Variants in KCNQ5 observed in about 807,000 individuals in gnomAD.
KCNQ5 encodes the protein potassium voltage-gated channel subfamily Q member 5, also known as potassium voltage-gated channel subfamily KQT member 5.
A neutral mutation model predicts 98.2 loss-of-function variants in KCNQ5; 30 were observed. The observed-to-expected ratio is 0.31, with a 90% CI of 0.23 to 0.41. KCNQ5 has a LOEUF of 0.41. KCNQ5 is among the 10% of genes least tolerant of loss of function. The pLI is 1.00. For synonymous variants in KCNQ5, 458 were observed against 449.4 expected (o/e 1.02, Z -0.24); for missense variants, 835 against 1,182.5 (o/e 0.71, Z 4.31).
At chr6:72,697,710 T>G (rs1235895047) in intron 1 of KCNQ5, among the ~76,000 whole-genome samples, 1 of 152,208 alleles carries the variant, frequency 6.6e-6, no homozygotes, top group African/African-American at 2.4e-5. Flanking sequence ...TATGTGGATG[T>G]TTACATTTTT....
At chr6:72,645,981 C>CT (rs2154472200) in intron 1 of KCNQ5, among the ~76,000 whole-genome samples, 1 of 152,132 alleles carries the variant, frequency 6.6e-6, no homozygotes, top group East Asian at 1.9e-4. Flanking sequence ...ATGTGATGTA[C>CT]TGTGCCCCTA....
chr6:72,828,790 T>C (rs1265838438), intron 1 of KCNQ5, among the ~76,000 whole-genome samples: 2 of 152,168 alleles, frequency 1.3e-5, no homozygotes, highest in Non-Finnish European at 2.9e-5. Context: ...CTAATTGCTC[T>C]GGCTAGTACT....
intron 2 of KCNQ5, 95 bp downstream of exon 2, chr6:73,004,093 C>A: frequency 5.8e-6 from 4 of 689,618 alleles, no homozygotes; most frequent in South Asian, 2.1e-5. Context: ...AAAATCCTAT[C>A]TAAAAAAGAG....
intron 1 of KCNQ5, among the ~76,000 whole-genome samples, chr6:72,977,830 C>G (rs1159427323): frequency 1.3e-5 from 2 of 152,116 alleles, no homozygotes; most frequent in African/African-American, 4.8e-5. Context: ...ATCTTTCCCG[C>G]TATAATGTAA....
At chr6:72,916,960 A>G (rs963294083) in intron 1 of KCNQ5, among the ~76,000 whole-genome samples, 1 of 152,210 alleles carries the variant, frequency 6.6e-6, no homozygotes, top group African/African-American at 2.4e-5. Context: ...GAGATGTCTA[A>G]TATTTCCACA....
rs1327787861 is a variant in KCNQ5 at position 72,885,840 on chromosome 6, T to C, written c.399-118068T>C. ...CAATTGCTGCAAAAAAATAATAAAA[T>C]TGGGTGAGGGAACCACCTCAGAAAG... is the stretch of plus-strand genomic sequence containing the variant. On this transcript the variant is annotated intron_variant, in intron 1 of 13. Coordinates refer to ENST00000370398, the MANE Select transcript of KCNQ5 (RefSeq NM_019842.4). Among the ~76,000 whole-genome samples the C allele has an allele frequency of 5.9e-5, 9 of 152,094 alleles. No individual in the cohort carries two copies. In the East Asian group the frequency reaches 1.7e-3, roughly 29 times the overall value.
In KCNQ5 at chr6:73,105,240, A is replaced by T. The variant is rs748008833; in HGVS notation, c.919-17A>T. On this transcript the variant is annotated splice_polypyrimidine_tract_variant and intron_variant, in intron 5 of 13. Transcript: ENST00000370398. Reference sequence around the variant, plus strand: ...CTCAAGTACTTAAGCTGCACATTCTATTTATTTTGTTTCTAGATTACATTG... The same window carrying T: ...CTCAAGTACTTAAGCTGCACATTCTTTTTATTTTGTTTCTAGATTACATTG... 2.0e-6 allele frequency: 3 copies of T among 1,471,956 alleles called. No individual in the cohort carries two copies. Among genetic ancestry groups the T allele is most frequent in the South Asian group, 2.4e-5 (2 of 84,090 alleles). 91.2% of individuals were successfully genotyped at this position (1,471,956 alleles called of 1,614,324 possible).
At chr6:72,971,590 C>A (rs953512520) in intron 1 of KCNQ5, among the ~76,000 whole-genome samples, 2 of 152,214 alleles carry the variant, frequency 1.3e-5, no homozygotes, top group Admixed American at 1.3e-4. Context: ...AGACCTGGAA[C>A]CAACTCAAAT....
chr6:72,648,113 T>C (rs1765690661), intron 1 of KCNQ5, among the ~76,000 whole-genome samples: 1 of 152,094 alleles, frequency 6.6e-6, no homozygotes, highest in Non-Finnish European at 1.5e-5. Flanking sequence ...TGATAATTAT[T>C]TATAGCAGTC....
chr6:73,180,735 G>C (rs1411080429), intron 11 of KCNQ5, among the ~76,000 whole-genome samples: 2 of 152,190 alleles, frequency 1.3e-5, no homozygotes, highest in Non-Finnish European at 2.9e-5. Flanking sequence ...TCTGGAGGTA[G>C]GACCCAGGCA....
At chr6:72,681,999 T>C (rs1213513696) in intron 1 of KCNQ5, among the ~76,000 whole-genome samples, 8 of 152,186 alleles carry the variant, frequency 5.3e-5, no homozygotes, top group Admixed American at 2.0e-4. Flanking sequence ...TGGAGTGACC[T>C]CCTTCTTGTG....
At position 72,984,320 on chromosome 6, in the gene KCNQ5, G is replaced by A. The variant is rs149656869; in HGVS notation, c.399-19588G>A. On this transcript the variant is annotated intron_variant, in intron 1 of 13. Coordinates refer to ENST00000370398, the MANE Select transcript of KCNQ5 (RefSeq NM_019842.4). ...CAGCTATGCCCTGCCCCCAGAGGTG[G>A]AGTCTACAAAGGCAGGCAGGCCTTG... 3.8e-3 allele frequency among the ~76,000 whole-genome samples: 575 copies of A among 152,306 alleles called. 15 individuals carry two copies. The highest frequency in any genetic ancestry group is 0.029 in the East Asian group (151 of 5,176).
chr6:72,750,508 G>C (rs778859720), intron 1 of KCNQ5, among the ~76,000 whole-genome samples: 1 of 151,946 alleles, frequency 6.6e-6, no homozygotes, highest in Non-Finnish European at 1.5e-5. Context: ...CTAGATGTCG[G>C]TTATAGACTG....
At chr6:72,801,224 G>A (rs1334987249) in intron 1 of KCNQ5, among the ~76,000 whole-genome samples, 1 of 148,536 alleles carries the variant, frequency 6.7e-6, no homozygotes, top group Non-Finnish European at 1.5e-5. Context: ...TTGACAGTGG[G>A]GTGTTAAAGT....
At chr6:72,900,084 C>A (rs1171137570) in intron 1 of KCNQ5, among the ~76,000 whole-genome samples, 2 of 152,128 alleles carry the variant, frequency 1.3e-5, no homozygotes, top group Non-Finnish European at 2.9e-5. Flanking sequence ...GATCCACCCG[C>A]CTTGGCCTCC....
intron 1 of KCNQ5, among the ~76,000 whole-genome samples, chr6:72,898,195 C>G (rs1779325534): frequency 6.6e-6 from 1 of 151,968 alleles, no homozygotes; most frequent in South Asian, 2.1e-4. Flanking sequence ...GATACATGTG[C>G]AGAACATTCA....
At chr6:72,658,737 T>G (rs1339147114) in intron 1 of KCNQ5, among the ~76,000 whole-genome samples, 1 of 151,628 alleles carries the variant, frequency 6.6e-6, no homozygotes, top group Non-Finnish European at 1.5e-5. Flanking sequence ...TGTGCCACCA[T>G]GCCCGGTAAC....
intron 1 of KCNQ5, among the ~76,000 whole-genome samples, chr6:72,899,640 T>C (rs1215543867): frequency 1.3e-5 from 2 of 152,146 alleles, no homozygotes; most frequent in Non-Finnish European, 2.9e-5. Context: ...TCTTTGACGT[T>C]TTCGTCTTTT....
intron 1 of KCNQ5, among the ~76,000 whole-genome samples, chr6:72,655,074 TTC>T (rs766595194): frequency 6.0e-5 from 9 of 149,802 alleles, no homozygotes; most frequent in Non-Finnish European, 1.3e-4. Flanking sequence ...CTTTCTTTCT[TTC>T]TTTCTTTCTT....
Sources: allele counts gnomAD v4.1 joint callset (sites outside exome capture counted in the v4.1 genomes callset), GRCh38; gene constraint gnomAD v4.1.1; transcripts MANE v1.5; gene names NCBI Gene and HGNC (gene_info 2026-07-23, HGNC 2026-07-21).